RPL26: variants seen among roughly 807,000 people sequenced by gnomAD.
The protein encoded by RPL26 is large ribosomal subunit protein uL24.
RPL26 carries 1 observed loss-of-function variant against 16.2 expected under a neutral mutation model. That is an observed-to-expected ratio of 0.06 (90% CI 0.02 to 0.29). The LOEUF is 0.29. Ranked by LOEUF, RPL26 falls within the 10% of genes least tolerant of loss-of-function variation. The pLI is 1.00. For missense variants in RPL26, 102 were observed against 184.3 expected (o/e 0.55, Z 2.58); for synonymous variants, 55 against 62.4 (o/e 0.88, Z 0.56).
In RPL26 at chr17:8,382,130, T is replaced by A. The variant is rs770528711; in HGVS notation, c.168+13A>T. 11 of 1,608,012 alleles carry A rather than the reference T, an allele frequency of 6.8e-6. No homozygotes were observed. The highest frequency in any genetic ancestry group is 1.3e-5 in the African/African-American group (1 of 74,716). On this transcript the variant is annotated intron_variant, in intron 2 of 3. Coordinates refer to ENST00000648839, the MANE Select transcript of RPL26 (RefSeq NM_000987.5). Reference sequence around the variant, plus strand: ...TATCCATCAAGACAACGAGAACAAGTAGGGATACACACCTGAACTTCATCA... The same window carrying A: ...TATCCATCAAGACAACGAGAACAAGAAGGGATACACACCTGAACTTCATCA...
chr17:8,382,929 C>T (rs146508792), intron 1 of RPL26: 49 of 397,610 alleles, frequency 1.2e-4, no homozygotes, highest in African/African-American at 9.0e-4. Context: ...TTTCCACAGG[C>T]TCCCTTCCCT....
At chr17:8,379,408 TAAG>T (rs796210671) in intron 3 of RPL26, 9 of 225,598 alleles carry the variant, frequency 4.0e-5, no homozygotes, top group African/African-American at 6.8e-5. Context: ...AACTTTGTAC[TAAG>T]AAGTACAAAA....
At chr17:8,381,005 C>T (rs1907383526) in intron 2 of RPL26, 1 of 147,938 alleles carries the variant, frequency 6.8e-6, no homozygotes, top group African/African-American at 2.5e-5. Context: ...AGGGATAACA[C>T]ACTGTAAAGC....
chr17:8,380,602 A>G (rs974976552), intron 2 of RPL26: 1 of 152,254 alleles, frequency 6.6e-6, no homozygotes, highest in East Asian at 1.9e-4. Context: ...AGTGCAAACG[A>G]TAACGTGACT....
chr17:8,382,728 AAGAGTGAATACGTAT>A, intron 1 of RPL26: 1 of 308,524 alleles, frequency 3.2e-6, no homozygotes, highest in East Asian at 5.5e-5. Context: ...CTACAGGCTT[AAGAGTGAATACGTAT>A]AGCCCCGCCA....
chr17:8,377,519 GCT>G lies in RPL26; in HGVS notation c.*43_*44del. 6.6e-7 allele frequency: 1 copy of G among 1,506,010 alleles called. No homozygotes were observed. 93.3% of individuals were successfully genotyped at this position (1,506,010 alleles called of 1,614,324 possible). A position where few individuals can be genotyped will look rare whatever the true frequency, so the allele number is the denominator to read the frequency against. On this transcript the variant is annotated 3_prime_UTR_variant, in exon 4 of 4. Coordinates refer to ENST00000648839, the MANE Select transcript of RPL26 (RefSeq NM_000987.5). ...CTAAATCACCACACACAAAACACAG[GCT>G]CTTTGTTTCAAGTTTTAATCAAAGC...
chr17:8,380,064 C>T (rs994487180), intron 2 of RPL26, 128 bp from the exon 3 acceptor site: 12 of 690,156 alleles, frequency 1.7e-5, no homozygotes, highest in Middle Eastern at 2.7e-4. Flanking sequence ...GAGCCCACTT[C>T]GGCAACCTGT....
At chr17:8,381,705 A>AC (rs1353581880) in intron 2 of RPL26, 1 of 188,840 alleles carries the variant, frequency 5.3e-6, no homozygotes, top group Non-Finnish European at 1.1e-5. Flanking sequence ...AGGCGGGCTG[A>AC]TCACCTGACG....
At chr17:8,380,193 T>C in intron 2 of RPL26, 5 of 400,296 alleles carry the variant, frequency 1.2e-5, no homozygotes, top group Non-Finnish European at 1.3e-5. Context: ...CAGCAACAAA[T>C]GCTTAACGGA....
intron 1 of RPL26, chr17:8,382,636 T>TA: frequency 2.9e-6 from 1 of 345,536 alleles, no homozygotes; most frequent in Non-Finnish European, 5.3e-6. Context: ...AGACTGGACT[T>TA]ACATCTCTGC....
intron 1 of RPL26, chr17:8,382,577 CCTTTTAGTTA>C: frequency 9.8e-6 from 4 of 407,586 alleles, no homozygotes; most frequent in Non-Finnish European, 1.8e-5. Context: ...AGTTATAAGA[CCTTTTAGTTA>C]CACTCTCCCA....
At chr17:8,381,625 G>T (rs936429199) in intron 2 of RPL26, among the ~76,000 whole-genome samples, 1 of 152,138 alleles carries the variant, frequency 6.6e-6, no homozygotes. Flanking sequence ...TCCAGTCTGG[G>T]TAAGAGTGAG....
At position 8,378,101 on chromosome 17, in the gene RPL26, C is replaced by T. The variant is rs185831747; in HGVS notation, c.310-409G>A. Among the ~76,000 whole-genome samples, 748 of 152,316 alleles carry T rather than the reference C, an allele frequency of 4.9e-3. 5 individuals are homozygous for T. Among genetic ancestry groups the T allele is most frequent in the Admixed American group, 9.7e-3 (149 of 15,302 alleles). Reference sequence around the variant, plus strand: ...ATCCCAGCACTTTGGGAGGCAGAGGCAGGCGGATCACCTGAGGTCAGGAGT... The same window carrying T: ...ATCCCAGCACTTTGGGAGGCAGAGGTAGGCGGATCACCTGAGGTCAGGAGT... On this transcript the variant is annotated intron_variant, in intron 3 of 3. Transcript: ENST00000648839.
At chr17:8,378,148 C>T (rs549834470) in intron 3 of RPL26, among the ~76,000 whole-genome samples, 4 of 152,182 alleles carry the variant, frequency 2.6e-5, no homozygotes, top group South Asian at 4.1e-4. Context: ...CTGGCCAACA[C>T]GGTGAAACCC....
chr17:8,382,823 G>C, intron 1 of RPL26: 1 of 386,418 alleles, frequency 2.6e-6, no homozygotes. Context: ...AAGCCTCCCA[G>C]TGGGCAAGTG....
At position 8,382,264 on chromosome 17, in the gene RPL26, T is replaced by C; in HGVS notation, c.47A>G (p.Lys16Arg). Residue 16 changes from lysine to arginine, a missense_variant, in exon 2 of 4, where the codon AAA becomes AGA. Transcript: ENST00000648839. The part of the protein sequence containing the change: ...FVTSDRSKNR[K>R]RHFNAPSHIR... ...GTGGGAAGGTGCATTGAAATGCCTT[T>C]TGCGATTCTTGCTTCGGTCGGAAGT... 6.2e-7 allele frequency: 1 copy of C among 1,613,898 alleles called. No individual in the cohort carries two copies. Among genetic ancestry groups the C allele is most frequent in the South Asian group, 1.1e-5 (1 of 91,048 alleles).
intron 1 of RPL26, chr17:8,382,878 G>A (rs1358409730): frequency 5.1e-6 from 2 of 395,678 alleles, no homozygotes; most frequent in East Asian, 3.6e-5. Flanking sequence ...GTTACTTCGA[G>A]ACCATTCTCT....
intron 2 of RPL26, chr17:8,380,904 C>T (rs1231664371): frequency 1.3e-5 from 2 of 152,216 alleles, no homozygotes; most frequent in Non-Finnish European, 1.5e-5. Flanking sequence ...CCCTTCTTGC[C>T]TGGGTACCAG....
At chr17:8,379,637 T>C (rs878997694) in intron 3 of RPL26, 159 bp downstream of exon 3, 2 of 650,336 alleles carry the variant, frequency 3.1e-6, no homozygotes, top group South Asian at 4.1e-5. Flanking sequence ...TTAAATGGTA[T>C]TAGAATTTTC....
Sources: gnomAD v4.1 joint callset for allele counts (sites outside exome capture counted in the v4.1 genomes callset) on GRCh38, gnomAD v4.1.1 for gene constraint, MANE v1.5 for transcripts, NCBI Gene and HGNC (gene_info 2026-07-23, HGNC 2026-07-21) for gene names.